CUL4A: variants seen among roughly 807,000 people sequenced by gnomAD.
CUL4A encodes the protein cullin-4A.
A neutral mutation model predicts 95.5 loss-of-function variants in CUL4A; 16 were observed. The observed-to-expected ratio is 0.17, with a 90% CI of 0.11 to 0.25. The LOEUF (loss-of-function observed/expected upper bound fraction) is 0.25. Among genes scored for constraint, CUL4A ranks in the 10% least tolerant of loss-of-function variants. The pLI is 1.00. For synonymous variants in CUL4A, 380 were observed against 353.1 expected, an observed-to-expected ratio of 1.08 and a Z score of -0.85; for missense variants, 610 against 937.0, an observed-to-expected ratio of 0.65 and a Z score of 4.56.
chr13:113,260,763 A>C lies in CUL4A; in HGVS notation c.2184+4A>C. 1 of 1,549,364 alleles carries C rather than the reference A, an allele frequency of 6.5e-7. No individual in the cohort carries two copies. The highest frequency in any genetic ancestry group is 8.8e-7 in the Non-Finnish European group (1 of 1,138,178). ...TCAGCTGAAATTTCCAGTAAAGGTA[A>C]ATGTAACATTAGCATAATTAAATTT... On this transcript the variant is annotated splice_donor_region_variant and intron_variant, in intron 19 of 19. Transcript: ENST00000375440.
chr13:113,210,013 G>T lies in CUL4A; in HGVS notation c.189G>T (p.Trp63Cys). 6.6e-7 allele frequency: 1 copy of T among 1,524,672 alleles called. No homozygotes were observed. Among genetic ancestry groups the T allele is most frequent in the Non-Finnish European group, 8.8e-7 (1 of 1,136,910 alleles). 94.4% of individuals were successfully genotyped at this position (1,524,672 alleles called of 1,614,324 possible). The change falls in exon 2 of 20, where the codon TGG (tryptophan) becomes TGT (cysteine). Residue 63 changes from tryptophan (W) to cysteine (C), a missense_variant. Around this residue, in one of 10 missense-constraint regions of CUL4A, gnomAD observed 168 missense variants for 185.5 expected, o/e 0.91. Coordinates refer to ENST00000375440, the MANE Select transcript of CUL4A (RefSeq NM_001008895.4). ...RLPDNYTQDTWRKLHEAVRAV... is the reference protein window; with the variant it reads ...RLPDNYTQDTCRKLHEAVRAV... ...CCGACAACTACACGCAGGACACGTG[G>T]CGGAAGCTGCACGAGGCGGTGCGGG...
chr13:113,227,151 A>G (rs1413160827), intron 3 of CUL4A, among the ~76,000 whole-genome samples: 6 of 152,184 alleles, frequency 3.9e-5, no homozygotes, highest in Middle Eastern at 3.2e-3. Flanking sequence ...CACATTGGTG[A>G]TGAGATACAG....
At chr13:113,242,534 A>G (rs1033146711) in intron 10 of CUL4A, among the ~76,000 whole-genome samples, 28 of 152,220 alleles carry the variant, frequency 1.8e-4, no homozygotes, top group African/African-American at 6.8e-4. Flanking sequence ...TCATGCCTGT[A>G]AACCCAGCAC....
At chr13:113,244,554 G>A (rs770177368) in intron 12 of CUL4A, 40 bp downstream of exon 12, 3 of 1,406,828 alleles carry the variant, frequency 2.1e-6, no homozygotes, top group South Asian at 2.4e-5. Context: ...ATAATCAAGA[G>A]GTGTAAACAG....
In CUL4A at chr13:113,251,726, A is replaced by C. The variant is rs115620816; in HGVS notation, c.1639-1356A>C. Among the ~76,000 whole-genome samples the C allele has an allele frequency of 7.3e-3, 1,114 of 152,308 alleles. 19 individuals carry two copies. Among genetic ancestry groups the C allele is most frequent in the African/African-American group, 0.025 (1,043 of 41,556 alleles). The stretch of plus-strand genomic sequence containing the variant: ...CCCCTTACCTTCTGCCATGATTAAA[A>C]GTTTCCTGAGGCCTCCACAGCCAAG... On this transcript the variant is annotated intron_variant, in intron 15 of 19. Coordinates refer to ENST00000375440, the MANE Select transcript of CUL4A (RefSeq NM_001008895.4).
At position 113,236,728 on chromosome 13, in the gene CUL4A, T is replaced by C. The variant is rs2287252; in HGVS notation, c.849-95T>C. On this transcript the variant is annotated intron_variant, in intron 8 of 19. Transcript: ENST00000375440. The stretch of plus-strand genomic sequence containing the variant: ...CTTCCGTTTCTGATTGCCTCTAGAC[T>C]GCATCTGTCATAGACAAATGCCCCC... 11,444 of 763,350 alleles carry C rather than the reference T, an allele frequency of 0.015. 814 individuals are homozygous for C. The East Asian group carries it at 0.18, about 12-fold the overall frequency. 47.3% of individuals were successfully genotyped at this position (763,350 alleles called of 1,614,324 possible).
upstream of CUL4A, chr13:113,208,388 C>T: frequency 1.4e-6 from 2 of 1,440,748 alleles, no homozygotes; most frequent in Non-Finnish European, 9.1e-7. Flanking sequence ...ACCGCCCGGC[C>T]CCCACGGCGG....
At chr13:113,253,951 T>C (rs1358690782) in intron 16 of CUL4A, among the ~76,000 whole-genome samples, 1 of 152,248 alleles carries the variant, frequency 6.6e-6, no homozygotes, top group Non-Finnish European at 1.5e-5. Context: ...TTTATTATTG[T>C]AGAGAGTCAT....
At chr13:113,236,751 C>T (rs936871560) in intron 8 of CUL4A, 72 bp from the exon 9 acceptor site, 4 of 988,796 alleles carry the variant, frequency 4.0e-6, no homozygotes, top group African/African-American at 1.6e-5. Flanking sequence ...GACAAATGCC[C>T]CCATCTTTTG....
chr13:113,256,381 C>T (rs2042120421), intron 18 of CUL4A, among the ~76,000 whole-genome samples: 1 of 152,138 alleles, frequency 6.6e-6, no homozygotes, highest in African/African-American at 2.4e-5. Flanking sequence ...CACCCTGGCA[C>T]AGACATTTCT....
chr13:113,208,576 C>T (rs939691795), upstream of CUL4A: 2 of 1,605,916 alleles, frequency 1.2e-6, no homozygotes, highest in African/African-American at 2.7e-5. Flanking sequence ...CACGCCGCCG[C>T]GCGCTCCCCG....
At chr13:113,228,842 C>T (rs1299324030) in intron 4 of CUL4A, among the ~76,000 whole-genome samples, 4 of 152,004 alleles carry the variant, frequency 2.6e-5, no homozygotes, top group Admixed American at 6.5e-5. Context: ...AAATTTAGGC[C>T]GGGCGCGGTG....
chr13:113,256,926 G>GTTTTTTTTTTTTTTTTTTTTTTTTTTCTT (rs951070829), intron 18 of CUL4A, among the ~76,000 whole-genome samples: 3 of 47,374 alleles, frequency 6.3e-5, no homozygotes, highest in East Asian at 7.4e-4. Context: ...TTTTTTTTTC[G>GTTTTTTTTTTTTTTTTTTTTTTTTTTCTT]TTTTTTTTTT....
At position 113,219,045 on chromosome 13, in the gene CUL4A, G is replaced by C. The variant is rs1319930234; in HGVS notation, c.365G>C (p.Arg122Thr). The change falls in exon 3 of 20, where the codon AGA (arginine) becomes ACA (threonine). Residue 122 changes from arginine to threonine, a missense_variant. Arg to Thr is a moderately conservative substitution (Grantham distance 71). This residue lies in a region of CUL4A where 168 missense variants were observed against 185.5 expected (regional missense o/e 0.91). Coordinates refer to ENST00000375440, the MANE Select transcript of CUL4A (RefSeq NM_001008895.4). ...GTCCAGGCACAGATCCTTCCGTTTA[G>C]AGAATATCCTTTTTTTGGTTCATAA... is the stretch of plus-strand genomic sequence containing the variant. ...DHVQAQILPF[R>T]EDSLDSVLFL... The C allele has an allele frequency of 2.4e-5, 38 of 1,589,750 alleles. No individual in the cohort carries two copies. Among genetic ancestry groups the C allele is most frequent in the Non-Finnish European group, 2.9e-5 (34 of 1,169,400 alleles).
At chr13:113,236,064 G>C (rs2041533564) in intron 8 of CUL4A, among the ~76,000 whole-genome samples, 1 of 152,064 alleles carries the variant, frequency 6.6e-6, no homozygotes, top group Non-Finnish European at 1.5e-5. Context: ...GACTTGGTAG[G>C]ACTCAGCAGA....
chr13:113,230,056 C>T (rs1268704965), intron 5 of CUL4A: 1 of 201,604 alleles, frequency 5.0e-6, no homozygotes, highest in Non-Finnish European at 9.9e-6. Context: ...CCCTGTGTGT[C>T]CTCTGTGGCC....
chr13:113,235,218 A>C (rs2041500385), intron 8 of CUL4A, 73 bp downstream of exon 8: 4 of 1,019,110 alleles, frequency 3.9e-6, no homozygotes, highest in Non-Finnish European at 6.1e-6. Context: ...GGTTATTGAA[A>C]TAAAGGGTGT....
intron 3 of CUL4A, among the ~76,000 whole-genome samples, chr13:113,221,571 TG>T (rs1465678928): frequency 1.3e-5 from 2 of 151,892 alleles, no homozygotes; most frequent in Non-Finnish European, 2.9e-5. Context: ...TTTGTTTTTT[TG>T]TGTTATTTAT....
Position 113,253,230 on chromosome 13 carries a change from G to A in CUL4A, c.1752+35G>A, listed in dbSNP as rs767777420. 6.0e-6 allele frequency: 7 copies of A among 1,158,176 alleles called. No homozygotes were observed. The South Asian group carries it at 8.9e-5, about 15-fold the overall frequency. 71.7% of individuals were successfully genotyped at this position (1,158,176 alleles called of 1,614,324 possible). A position where few individuals can be genotyped will look rare whatever the true frequency, so the allele number is the denominator to read the frequency against. ...CTGTTTCATTTATTTTTTATTATTT[G>A]TAAATATGTTAATATAATTTTTTTA... is the stretch of plus-strand genomic sequence containing the variant. On this transcript the variant is annotated intron_variant, in intron 16 of 19. Coordinates refer to ENST00000375440, the MANE Select transcript of CUL4A (RefSeq NM_001008895.4).
Sources: allele counts gnomAD v4.1 joint callset (sites outside exome capture counted in the v4.1 genomes callset), GRCh38; gene constraint gnomAD v4.1.1; regional missense constraint gnomAD v4.1.1; transcripts MANE v1.5; gene names NCBI Gene and HGNC (gene_info 2026-07-23, HGNC 2026-07-21).